SLC25A21: variants seen among roughly 807,000 people sequenced by gnomAD.
SLC25A21 encodes the protein solute carrier family 25 member 21.
A neutral mutation model predicts 43.8 loss-of-function variants in SLC25A21; 47 were observed. That is an observed-to-expected ratio of 1.07 (90% CI 0.85 to 1.37). The LOEUF is 1.37. Ranked by LOEUF, SLC25A21 falls within the 40% of genes most tolerant of loss-of-function variation. The probability of loss-of-function intolerance (pLI) is 0.00; values close to 1 mark genes in which losing one functional copy is unlikely to be tolerated. For synonymous variants in SLC25A21, 131 were observed against 121.3 expected (o/e 1.08, Z -0.52); for missense variants, 352 against 350.2 (o/e 1.00, Z -0.04).
chr14:36,811,122 C>G (rs1888247465), intron 3 of SLC25A21, among the ~76,000 whole-genome samples: 1 of 152,136 alleles, frequency 6.6e-6, no homozygotes, highest in Non-Finnish European at 1.5e-5. Context: ...TAGAGCAGAT[C>G]TGAGTGTGAA....
intron 1 of SLC25A21, among the ~76,000 whole-genome samples, chr14:37,118,988 G>A (rs1278662897): frequency 1.3e-5 from 2 of 152,138 alleles, no homozygotes; most frequent in Non-Finnish European, 2.9e-5. Context: ...AAAACAGCAT[G>A]CAGTTAAGAA....
chr14:36,964,934 A>G (rs73254298), intron 1 of SLC25A21, among the ~76,000 whole-genome samples: 16,426 of 151,950 alleles, frequency 0.11, 2,456 homozygotes, highest in African/African-American at 0.33. Flanking sequence ...TTCCCTCTAT[A>G]TGGATTTTTA....
intron 1 of SLC25A21, among the ~76,000 whole-genome samples, chr14:37,027,278 A>G (rs1413294425): frequency 6.6e-6 from 1 of 152,152 alleles, no homozygotes; most frequent in Non-Finnish European, 1.5e-5. Flanking sequence ...TTTGTAAATC[A>G]TATTTGAATT....
At position 36,785,557 on chromosome 14, in the gene SLC25A21, A is replaced by G. The variant is rs769806403; in HGVS notation, c.203+28361T>C. Among the ~76,000 whole-genome samples the G allele has an allele frequency of 2.4e-4, 36 of 152,342 alleles. 2 individuals are homozygous for G. The Middle Eastern group carries it at 0.014, about 58-fold the overall frequency. On this transcript the variant is annotated intron_variant, in intron 3 of 9. Transcript: ENST00000331299. ...TTACCAGAAGGTGCTACTGAAATAC[A>G]AATTATTATTAGCATGATCATTGTC...
intron 6 of SLC25A21, among the ~76,000 whole-genome samples, chr14:36,716,552 C>T (rs1884144038): frequency 6.6e-6 from 1 of 152,034 alleles, no homozygotes; most frequent in African/African-American, 2.4e-5. Flanking sequence ...TTTTAAAATA[C>T]AAAAAATGTT....
chr14:37,068,940 C>T (rs1405754534), intron 1 of SLC25A21, among the ~76,000 whole-genome samples: 7 of 152,016 alleles, frequency 4.6e-5, no homozygotes, highest in Admixed American at 4.6e-4. Flanking sequence ...TTTGGGAGGT[C>T]GAGGCGGGCA....
intron 3 of SLC25A21, among the ~76,000 whole-genome samples, chr14:36,767,338 T>C (rs985101101): frequency 2.6e-5 from 4 of 152,236 alleles, no homozygotes; most frequent in African/African-American, 9.6e-5. Context: ...TATAAATCTA[T>C]GAAAGTGAAT....
At chr14:36,762,383 T>G (rs564094078) in intron 3 of SLC25A21, among the ~76,000 whole-genome samples, 2 of 152,258 alleles carry the variant, frequency 1.3e-5, no homozygotes, top group South Asian at 4.1e-4. Context: ...CAGCTCCGGG[T>G]CACAGTGCTG....
At chr14:36,860,584 G>T (rs1890038692) in intron 2 of SLC25A21, among the ~76,000 whole-genome samples, 1 of 152,158 alleles carries the variant, frequency 6.6e-6, no homozygotes. Context: ...GTCCGCAAAG[G>T]AATCATGTCT....
intron 1 of SLC25A21, among the ~76,000 whole-genome samples, chr14:36,938,523 G>T (rs1375743765): frequency 6.6e-6 from 1 of 151,980 alleles, no homozygotes; most frequent in Non-Finnish European, 1.5e-5. Flanking sequence ...TCTGCATCCC[G>T]CTGAGCCTTA....
chr14:37,155,154 T>C (rs1963826956), intron 1 of SLC25A21, among the ~76,000 whole-genome samples: 1 of 151,890 alleles, frequency 6.6e-6, no homozygotes, highest in South Asian at 2.1e-4. Context: ...CACTGCAACC[T>C]CTGCTTCCGA....
At chr14:36,832,975 T>C (rs1222302837) in intron 2 of SLC25A21, among the ~76,000 whole-genome samples, 1 of 152,210 alleles carries the variant, frequency 6.6e-6, no homozygotes, top group African/African-American at 2.4e-5. Flanking sequence ...TTGCTTAAAA[T>C]TGGAAAAAAA....
At chr14:37,079,134 G>A (rs977059952) in intron 1 of SLC25A21, among the ~76,000 whole-genome samples, 2 of 152,138 alleles carry the variant, frequency 1.3e-5, no homozygotes, top group Admixed American at 6.6e-5. Context: ...GCCCTCTGTT[G>A]TTTTCATTCT....
chr14:36,882,951 A>G (rs1201691288), intron 1 of SLC25A21, among the ~76,000 whole-genome samples: 2 of 151,998 alleles, frequency 1.3e-5, no homozygotes, highest in Non-Finnish European at 2.9e-5. Flanking sequence ...ATATATCCAG[A>G]TTTCTACCAT....
chr14:37,065,792 T>C (rs1416598046), intron 1 of SLC25A21, among the ~76,000 whole-genome samples: 2 of 152,160 alleles, frequency 1.3e-5, no homozygotes, highest in African/African-American at 2.4e-5. Context: ...GCATACTATA[T>C]TTAAAGATAG....
intron 1 of SLC25A21, among the ~76,000 whole-genome samples, chr14:37,032,133 T>A (rs1048870966): frequency 1.3e-5 from 2 of 152,182 alleles, no homozygotes; most frequent in Non-Finnish European, 2.9e-5. Flanking sequence ...TTGAAGAAAT[T>A]AAAGTACTAC....
At chr14:36,916,233 T>C (rs1254643541) in intron 1 of SLC25A21, among the ~76,000 whole-genome samples, 1 of 152,222 alleles carries the variant, frequency 6.6e-6, no homozygotes, top group East Asian at 1.9e-4. Flanking sequence ...CCTCTGACAG[T>C]GCTAATAGCA....
intron 1 of SLC25A21, chr14:36,952,292 C>T (rs1892832586): frequency 6.5e-6 from 1 of 153,860 alleles, no homozygotes; most frequent in Admixed American, 6.6e-5. Context: ...TGATTGTCTT[C>T]TTTCCTTTGG....
At chr14:36,870,213 G>A (rs1890329856) in intron 2 of SLC25A21, among the ~76,000 whole-genome samples, 1 of 152,142 alleles carries the variant, frequency 6.6e-6, no homozygotes, top group Non-Finnish European at 1.5e-5. Context: ...ATTTACAGTT[G>A]ACAAATTAAG....
Sources: gnomAD v4.1 joint callset for allele counts (sites outside exome capture counted in the v4.1 genomes callset) on GRCh38, gnomAD v4.1.1 for gene constraint, MANE v1.5 for transcripts, NCBI Gene and HGNC (gene_info 2026-07-23, HGNC 2026-07-21) for gene names.